The following KDM6A variants were observed in gnomAD, a reference collection of about 807,000 sequenced individuals.
The protein encoded by KDM6A is lysine demethylase 6A.
A neutral mutation model predicts 117.6 loss-of-function variants in KDM6A; 11 were observed. The ratio of observed to expected loss-of-function variants is 0.09; its 90% CI spans 0.06 to 0.15. The LOEUF (loss-of-function observed/expected upper bound fraction) is 0.15. KDM6A is among the 10% of genes least tolerant of loss of function. The probability of loss-of-function intolerance (pLI) is 1.00; values close to 1 mark genes in which losing one functional copy is unlikely to be tolerated. For synonymous variants in KDM6A, 384 were observed against 396.1 expected (o/e 0.97, Z 0.36); for missense variants, 799 against 1,077.3 (o/e 0.74, Z 3.62).
chrX:44,899,423 T>C (rs2034185773), intron 2 of KDM6A, among the ~76,000 whole-genome samples: 1 of 109,927 alleles, frequency 9.1e-6, no homozygotes, highest in South Asian at 3.9e-4. Context: ...TGTGTGTGTA[T>C]ATGTTTTCTT....
intron 24 of KDM6A, among the ~76,000 whole-genome samples, 179 bp downstream of exon 24, chrX:45,083,787 G>A (rs1431212114): frequency 2.7e-5 from 3 of 111,044 alleles, no homozygotes; most frequent in Admixed American, 9.6e-5. Context: ...TCTTTTTTTA[G>A]TGTAATAGCC....
At chrX:44,879,103 C>T (rs2031990107) in intron 2 of KDM6A, among the ~76,000 whole-genome samples, 1 of 112,029 alleles carries the variant, frequency 8.9e-6, no homozygotes, top group African/African-American at 3.2e-5. Flanking sequence ...GCACTTTAAA[C>T]CAAAATGAAA....
chrX:44,886,218 C>T (rs963379491), intron 2 of KDM6A, among the ~76,000 whole-genome samples: 5 of 108,618 alleles, frequency 4.6e-5, no homozygotes, highest in African/African-American at 1.0e-4. Flanking sequence ...CCACCCTGCC[C>T]GGCTAATTTT....
At chrX:45,062,790 G>A (rs779866799) in intron 16 of KDM6A, 42 bp downstream of exon 16, 1 of 898,685 alleles carries the variant, frequency 1.1e-6, no homozygotes, top group Non-Finnish European at 1.6e-6. Context: ...TTAGCATTTT[G>A]AGTATTTTTA....
At chrX:45,050,340 CAAAA>C (rs1024752149) in intron 8 of KDM6A, among the ~76,000 whole-genome samples, 3 of 112,045 alleles carry the variant, frequency 2.7e-5, no homozygotes, top group Non-Finnish European at 5.6e-5. Context: ...CACTCCGTCT[CAAAA>C]AAACAAACAA....
At chrX:45,021,022 G>A (rs1232892622) in intron 6 of KDM6A, among the ~76,000 whole-genome samples, 1 of 111,398 alleles carries the variant, frequency 9.0e-6, no homozygotes, top group Non-Finnish European at 1.9e-5. Flanking sequence ...GTTTGGATAT[G>A]TAAATAACTC....
chrX:44,952,492 C>G (rs1369434214), intron 2 of KDM6A, among the ~76,000 whole-genome samples: 1 of 110,374 alleles, frequency 9.1e-6, no homozygotes, highest in Non-Finnish European at 1.9e-5. Context: ...TGGTTGGTCT[C>G]AAACTCCTGA....
intron 3 of KDM6A, among the ~76,000 whole-genome samples, chrX:44,973,868 A>C (rs1485587998): frequency 9.0e-6 from 1 of 110,703 alleles, no homozygotes; most frequent in Admixed American, 9.7e-5. Flanking sequence ...AATTTTTTTT[A>C]GAGCATCCTG....
intron 2 of KDM6A, among the ~76,000 whole-genome samples, chrX:44,890,800 G>A (rs933771495): frequency 2.9e-4 from 31 of 106,413 alleles, no homozygotes; most frequent in African/African-American, 7.9e-4. Flanking sequence ...GATTACAGGC[G>A]CCCGCCACTA....
chrX:45,015,585 A>G (rs1448544919), intron 5 of KDM6A, among the ~76,000 whole-genome samples: 1 of 111,658 alleles, frequency 9.0e-6, no homozygotes, highest in Non-Finnish European at 1.9e-5. Context: ...AGAATAATGC[A>G]ACATAGACCT....
chrX:45,031,796 A>G (rs2042611020), intron 6 of KDM6A, among the ~76,000 whole-genome samples: 1 of 111,813 alleles, frequency 8.9e-6, no homozygotes, highest in African/African-American at 3.2e-5. Context: ...CTTGAAACTC[A>G]AGTTTTATGT....
At chrX:45,048,856 C>G (rs1016348130) in intron 8 of KDM6A, among the ~76,000 whole-genome samples, 1 of 109,708 alleles carries the variant, frequency 9.1e-6, no homozygotes, top group Non-Finnish European at 1.9e-5. Context: ...GGCAAAACTT[C>G]TACTCAACAC....
intron 27 of KDM6A, among the ~76,000 whole-genome samples, chrX:45,102,078 C>T (rs190656412): frequency 9.0e-6 from 1 of 111,473 alleles, no homozygotes; most frequent in East Asian, 2.8e-4. Context: ...CACAGTGATT[C>T]GTGAAGTTGA....
chrX:44,873,837 C>T (rs2031130023), intron 1 of KDM6A, 87 bp from the exon 2 acceptor site: 1 of 1,152,720 alleles, frequency 8.7e-7, no homozygotes, highest in African/African-American at 1.8e-5. Flanking sequence ...CTCTTCGCGC[C>T]GCCTCCGCTG....
chrX:44,900,607 G>A (rs2034274838), intron 2 of KDM6A, among the ~76,000 whole-genome samples: 1 of 112,126 alleles, frequency 8.9e-6, no homozygotes, highest in East Asian at 2.8e-4. Context: ...TGTTATTTAA[G>A]AAATGATTTG....
At chrX:44,930,512 G>A (rs1328606438) in intron 2 of KDM6A, among the ~76,000 whole-genome samples, 1 of 111,459 alleles carries the variant, frequency 9.0e-6, no homozygotes, top group Non-Finnish European at 1.9e-5. Flanking sequence ...TACATGTTCT[G>A]TAAATTTTGG....
intron 6 of KDM6A, among the ~76,000 whole-genome samples, chrX:45,021,184 T>C (rs953636997): frequency 9.0e-6 from 1 of 110,592 alleles, no homozygotes; most frequent in Non-Finnish European, 1.9e-5. Context: ...GAAAAAAGAG[T>C]GTTCTCTGCA....
At chrX:44,975,955 G>T (rs900615079) in intron 4 of KDM6A, among the ~76,000 whole-genome samples, 1 of 112,385 alleles carries the variant, frequency 8.9e-6, no homozygotes, top group African/African-American at 3.2e-5. Context: ...CTTCAACTGT[G>T]TGCTGGGGCC....
intron 2 of KDM6A, 114 bp downstream of exon 2, chrX:44,874,101 G>T: frequency 1.4e-6 from 1 of 693,548 alleles, no homozygotes; most frequent in African/African-American, 2.1e-5. Context: ...TGGTCGAGGG[G>T]CTTCCGGAAA....
Sources: gnomAD v4.1 joint callset for allele counts (sites outside exome capture counted in the v4.1 genomes callset) on GRCh38, gnomAD v4.1.1 for gene constraint, MANE v1.5 for transcripts, NCBI Gene and HGNC (gene_info 2026-07-23, HGNC 2026-07-21) for gene names.